TUBGCP3: variants seen among roughly 807,000 people sequenced by gnomAD.
The protein encoded by TUBGCP3 is gamma-tubulin complex component 3.
In TUBGCP3, 50 loss-of-function variants were observed where a neutral mutation model predicts 123.1. The ratio of observed to expected loss-of-function variants is 0.41; its 90% CI spans 0.32 to 0.51. The LOEUF is 0.51. Among genes scored for constraint, TUBGCP3 ranks in the 20% least tolerant of loss-of-function variants. The probability of loss-of-function intolerance (pLI) is 0.36; values close to 1 mark genes in which losing one functional copy is unlikely to be tolerated. For missense variants in TUBGCP3, 882 were observed against 1,127.0 expected, an observed-to-expected ratio of 0.78 and a Z score of 3.11; for synonymous variants, 405 against 413.9, an observed-to-expected ratio of 0.98 and a Z score of 0.26.
intron 1 of TUBGCP3, among the ~76,000 whole-genome samples, chr13:112,574,378 G>A: frequency 6.8e-6 from 1 of 147,480 alleles, no homozygotes; most frequent in Non-Finnish European, 1.5e-5. Context: ...TCTGAGCTCA[G>A]TGTGGCTTCC....
At chr13:112,509,995 C>A (rs7336986) in intron 17 of TUBGCP3, among the ~76,000 whole-genome samples, 13,529 of 152,216 alleles carry the variant, frequency 0.089, 1,560 homozygotes, top group African/African-American at 0.26. Context: ...GGCTGACCCA[C>A]AAGTAACTAT....
chr13:112,603,964 T>C, the TUBGCP3 span: 1 of 152,240 alleles, frequency 6.6e-6, no homozygotes, highest in African/African-American at 2.4e-5. Flanking sequence ...AACTCTCCTA[T>C]TCTAGAAGCA....
chr13:112,494,668 C>A (rs931529630), intron 20 of TUBGCP3, among the ~76,000 whole-genome samples: 19 of 152,204 alleles, frequency 1.2e-4, no homozygotes, highest in African/African-American at 4.6e-4. Flanking sequence ...GGTGGCTGGA[C>A]TAATCCATGT....
intron 5 of TUBGCP3, among the ~76,000 whole-genome samples, chr13:112,557,596 A>G (rs550501690): frequency 6.6e-6 from 1 of 152,344 alleles, no homozygotes; most frequent in African/African-American, 2.4e-5. Context: ...ACAAAGAAAA[A>G]CAAAGTTCCA....
intron 1 of TUBGCP3, among the ~76,000 whole-genome samples, chr13:112,575,407 A>G (rs900755998): frequency 1.1e-4 from 16 of 152,268 alleles, no homozygotes; most frequent in African/African-American, 3.4e-4. Context: ...AAGATGACAT[A>G]GCAATTCTAA....
intron 20 of TUBGCP3, among the ~76,000 whole-genome samples, chr13:112,492,594 T>C (rs1254847326): frequency 6.6e-6 from 1 of 152,138 alleles, no homozygotes; most frequent in East Asian, 1.9e-4. Flanking sequence ...ACACCCTGGC[T>C]ATGGGAACGG....
upstream of TUBGCP3, among the ~76,000 whole-genome samples, chr13:112,589,413 G>A (rs1178975229): frequency 6.6e-6 from 1 of 152,208 alleles, no homozygotes; most frequent in Non-Finnish European, 1.5e-5. Flanking sequence ...GATGCAGCTG[G>A]AAGGTATTAC....
chr13:112,502,355 G>C lies in TUBGCP3; in HGVS notation c.2307+1677C>G, dbSNP rs117411186. 2.4e-4 allele frequency among the ~76,000 whole-genome samples: 37 copies of C among 152,282 alleles called. No homozygotes were observed. The East Asian group carries it at 6.4e-3, about 26-fold the overall frequency. ...GCTGGCCAACAGCACACGGGTCTAG[G>C]AACAGAGAGCTATTTGTTACACTGA... On this transcript the variant is annotated intron_variant, in intron 19 of 21. Transcript: ENST00000261965.
At chr13:112,582,504 T>A (rs1272872603) in intron 1 of TUBGCP3, among the ~76,000 whole-genome samples, 1 of 152,156 alleles carries the variant, frequency 6.6e-6, no homozygotes, top group Non-Finnish European at 1.5e-5. Flanking sequence ...CAGCCAAGGC[T>A]GCCACGTGAG....
intron 11 of TUBGCP3, among the ~76,000 whole-genome samples, chr13:112,541,231 T>C (rs1878491468): frequency 6.6e-6 from 1 of 152,192 alleles, no homozygotes; most frequent in South Asian, 2.1e-4. Flanking sequence ...GCGGTACCTT[T>C]AAGGACTCCT....
chr13:112,580,432 G>A lies in TUBGCP3; in HGVS notation c.76+7473C>T, dbSNP rs569513921. ...GGATCACTTGAGCCCAGGAGTTTGC[G>A]ACCAGCCTGGACAATACAGCAAGAT... On this transcript the variant is annotated intron_variant, in intron 1 of 21. Coordinates refer to ENST00000261965, the MANE Select transcript of TUBGCP3 (RefSeq NM_006322.6). 2.0e-4 allele frequency among the ~76,000 whole-genome samples: 30 copies of A among 151,290 alleles called. No homozygotes were observed. In the South Asian group the frequency reaches 5.4e-3, roughly 27 times the overall value.
At chr13:112,556,761 T>C (rs927706727) in intron 5 of TUBGCP3, among the ~76,000 whole-genome samples, 4 of 152,226 alleles carry the variant, frequency 2.6e-5, no homozygotes, top group African/African-American at 4.8e-5. Flanking sequence ...TACAAACGTA[T>C]AAAATCTAAG....
At chr13:112,568,414 G>A (rs1298939188) in intron 2 of TUBGCP3, among the ~76,000 whole-genome samples, 1 of 151,654 alleles carries the variant, frequency 6.6e-6, no homozygotes, top group Non-Finnish European at 1.5e-5. Context: ...TCTAGAAGGT[G>A]TTATTACTGA....
chr13:112,591,167 G>T (rs2047397912), upstream of TUBGCP3, among the ~76,000 whole-genome samples: 1 of 152,186 alleles, frequency 6.6e-6, no homozygotes, highest in Non-Finnish European at 1.5e-5. Context: ...CCTTATCAGG[G>T]ACTCCTAACC....
rs972702088 is a variant in TUBGCP3 at position 112,524,617 on chromosome 13, C to T, written c.1556-2108G>A. On this transcript the variant is annotated intron_variant, in intron 13 of 21. Transcript: ENST00000261965. The surrounding 1 kb of genome is among the most constrained non-coding windows in gnomAD (Gnocchi z 4.4). The stretch of plus-strand genomic sequence containing the variant: ...CTCTATTCCAGGAACAATCTGGGGT[C>T]TATGTACCCCCCCACAAAAAAATAC... Among the ~76,000 whole-genome samples the T allele has an allele frequency of 1.3e-5, 2 of 152,190 alleles. No homozygotes were observed. Among genetic ancestry groups the T allele is most frequent in the Admixed American group, 6.5e-5 (1 of 15,284 alleles).
At chr13:112,496,261 A>C (rs1880519799) in intron 20 of TUBGCP3, among the ~76,000 whole-genome samples, 1 of 152,238 alleles carries the variant, frequency 6.6e-6, no homozygotes, top group African/African-American at 2.4e-5. Flanking sequence ...TGTGAGAAGA[A>C]AAGTGGAAAG....
At chr13:112,576,750 T>C (rs372859281) in intron 1 of TUBGCP3, among the ~76,000 whole-genome samples, 1 of 152,188 alleles carries the variant, frequency 6.6e-6, no homozygotes, top group Non-Finnish European at 1.5e-5. Context: ...ATATGTGAGA[T>C]GTGGCTAAAA....
In TUBGCP3 at chr13:112,558,217, G is replaced by A. The variant is rs780350247; in HGVS notation, c.527C>T (p.Ala176Val). 71 of 1,610,894 alleles carry A rather than the reference G, an allele frequency of 4.4e-5. No individual in the cohort carries two copies. Among genetic ancestry groups the A allele is most frequent in the Admixed American group, 1.7e-4 (10 of 59,988 alleles). ...TTACCCTGGGAGGAGAGATTGTGGC[G>A]CAGGCGCGGGGCCACTGAGGGCACA... Reference protein sequence around the residue: ...GLCALSGPAPAPQSLLPGQSN... With the variant: ...GLCALSGPAPVPQSLLPGQSN... Residue 176 changes from alanine to valine, a missense_variant, in exon 5 of 22, where the codon GCG becomes GTG. Transcript: ENST00000261965.
chr13:112,587,240 T>C (rs896540007), intron 1 of TUBGCP3: 4 of 152,248 alleles, frequency 2.6e-5, no homozygotes, highest in African/African-American at 9.6e-5. Context: ...CGTATAGGAT[T>C]AGTTTTGCTT....
Sources: allele counts gnomAD v4.1 joint callset (sites outside exome capture counted in the v4.1 genomes callset), GRCh38; gene constraint gnomAD v4.1.1; non-coding constraint Gnocchi (gnomAD v3.1); transcripts MANE v1.5; gene names NCBI Gene and HGNC (gene_info 2026-07-23, HGNC 2026-07-21).